The following SLC71A1 variants were observed in gnomAD, a reference collection of about 807,000 sequenced individuals.
SLC71A1 encodes the protein hippocampus abundant gene transcript 1.
chr1:100,043,854 A>G, the SLC71A1 span, among the ~76,000 whole-genome samples: 2 of 152,234 alleles, frequency 1.3e-5, no homozygotes, highest in East Asian at 1.9e-4. Context: ...ATGGCCTCCA[A>G]TTCCATCCAA....
the SLC71A1 span, among the ~76,000 whole-genome samples, chr1:100,049,220 A>G: frequency 2.0e-5 from 3 of 151,684 alleles, no homozygotes; most frequent in East Asian, 3.9e-4. Context: ...TTTCTCATGT[A>G]TATCAAATTC....
the SLC71A1 span, among the ~76,000 whole-genome samples, chr1:100,066,055 C>T: frequency 7.2e-5 from 11 of 152,144 alleles, no homozygotes; most frequent in South Asian, 2.1e-4. Context: ...GAAATGTCTG[C>T]GGTTAACAGG....
the SLC71A1 span, among the ~76,000 whole-genome samples, chr1:100,044,380 T>A: frequency 6.6e-6 from 1 of 152,172 alleles, no homozygotes; most frequent in Non-Finnish European, 1.5e-5. Flanking sequence ...TTTTGCCTAC[T>A]TTTGATGGGA....
At chr1:100,038,386 C>T in the SLC71A1 span, 1 of 1,271,822 alleles carries the variant, frequency 7.9e-7, no homozygotes, top group Non-Finnish European at 1.1e-6. Context: ...GACCCCCACA[C>T]TGCCGTCTCT....
the SLC71A1 span, among the ~76,000 whole-genome samples, chr1:100,068,969 C>T: frequency 2.6e-5 from 4 of 151,908 alleles, no homozygotes; most frequent in South Asian, 6.3e-4. Flanking sequence ...GTAACAAGAG[C>T]GAAACTCCGT....
At chr1:100,082,261 C>T in the SLC71A1 span, 2 of 1,376,942 alleles carry the variant, frequency 1.5e-6, no homozygotes, top group East Asian at 2.3e-5. Context: ...TAGTTTTCAC[C>T]TCTAGTTCTG....
the SLC71A1 span, chr1:100,077,019 A>C: frequency 3.5e-6 from 2 of 571,340 alleles, no homozygotes; most frequent in Non-Finnish European, 6.2e-6. Context: ...TGTGACCTGG[A>C]CTAGTGATCT....
the SLC71A1 span, among the ~76,000 whole-genome samples, chr1:100,050,173 C>T: frequency 2.0e-5 from 3 of 152,104 alleles, no homozygotes; most frequent in Non-Finnish European, 4.4e-5. Flanking sequence ...CTCTCCCTTA[C>T]CTTTTTTTGG....
the SLC71A1 span, among the ~76,000 whole-genome samples, chr1:100,063,179 T>C: frequency 2.6e-5 from 4 of 152,298 alleles, no homozygotes; most frequent in African/African-American, 7.2e-5. Flanking sequence ...TTGGTTTTTT[T>C]GACGTAATTT....
the SLC71A1 span, among the ~76,000 whole-genome samples, chr1:100,061,317 A>G: frequency 6.6e-6 from 1 of 152,198 alleles, no homozygotes; most frequent in South Asian, 2.1e-4. Flanking sequence ...GAATCCTGCC[A>G]TATAGGTTTT....
chr1:100,038,797 C>T, the SLC71A1 span, among the ~76,000 whole-genome samples: 3 of 152,236 alleles, frequency 2.0e-5, no homozygotes, highest in Non-Finnish European at 4.4e-5. Context: ...CCCGCTGCGG[C>T]CCCGTAGTAC....
chr1:100,061,755 C>A, the SLC71A1 span: 2 of 895,776 alleles, frequency 2.2e-6, no homozygotes, highest in African/African-American at 1.7e-5. Context: ...TGCTCTTACG[C>A]TTAATTAACT....
chr1:100,046,376 C>T, the SLC71A1 span, among the ~76,000 whole-genome samples: 1 of 151,882 alleles, frequency 6.6e-6, no homozygotes, highest in African/African-American at 2.4e-5. Context: ...ACAGGTCCCA[C>T]CACCACGCCT....
the SLC71A1 span, among the ~76,000 whole-genome samples, chr1:100,040,192 A>G: frequency 6.6e-6 from 1 of 152,300 alleles, no homozygotes; most frequent in East Asian, 1.9e-4. Flanking sequence ...AGGGCCTAGT[A>G]TGTGAATTTT....
the SLC71A1 span, among the ~76,000 whole-genome samples, chr1:100,066,263 T>C: frequency 6.6e-6 from 1 of 152,204 alleles, no homozygotes. Context: ...AACCTCCAAG[T>C]CTTTAAGCTT....
chr1:100,050,436 A>G, the SLC71A1 span, among the ~76,000 whole-genome samples: 42 of 152,084 alleles, frequency 2.8e-4, no homozygotes, highest in African/African-American at 1.0e-3. Flanking sequence ...ATCTAAGCTG[A>G]TTTTACCCAA....
At chr1:100,044,511 ATTTTTTTTTTT>A in the SLC71A1 span, among the ~76,000 whole-genome samples, 7 of 103,150 alleles carry the variant, frequency 6.8e-5, no homozygotes, top group African/African-American at 2.8e-4. Context: ...TACTCTGCTG[ATTTTTTTTTTT>A]TTTTTTTTTT....
chr1:100,071,870 G>A, the SLC71A1 span, among the ~76,000 whole-genome samples: 1 of 152,176 alleles, frequency 6.6e-6, no homozygotes, highest in Admixed American at 6.5e-5. Context: ...TGCAGAATCT[G>A]GCAGGGCAGA....
chr1:100,042,687 A>G, the SLC71A1 span, among the ~76,000 whole-genome samples: 1 of 151,850 alleles, frequency 6.6e-6, no homozygotes, highest in East Asian at 1.9e-4. Flanking sequence ...GGCTCACAGC[A>G]ACCTCTGCCT....
Sources: allele counts gnomAD v4.1 joint callset (sites outside exome capture counted in the v4.1 genomes callset), GRCh38; gene constraint gnomAD v4.1.1; transcripts MANE v1.5; gene names NCBI Gene and HGNC (gene_info 2026-07-23, HGNC 2026-07-21).